Variants in MTA3 observed in about 807,000 individuals in gnomAD.
MTA3 encodes metastasis-associated protein MTA3.
In MTA3, 34 loss-of-function variants were observed where a neutral mutation model predicts 83.5. The observed-to-expected ratio is 0.41, with a 90% CI of 0.31 to 0.54. MTA3 has a LOEUF of 0.54. Ranked by LOEUF, MTA3 falls within the 20% of genes least tolerant of loss-of-function variation. MTA3 has a pLI of 0.33. For synonymous variants in MTA3, 303 were observed against 252.7 expected, an observed-to-expected ratio of 1.20 and a Z score of -1.89; for missense variants, 761 against 726.4, an observed-to-expected ratio of 1.05 and a Z score of -0.55.
At chr2:42,729,241 C>T (rs758844473) in intron 16 of MTA3, among the ~76,000 whole-genome samples, 8 of 151,480 alleles carry the variant, frequency 5.3e-5, no homozygotes, top group Admixed American at 1.3e-4. Context: ...GGACTACAGG[C>T]GCCCACCACC....
intron 16 of MTA3, among the ~76,000 whole-genome samples, chr2:42,742,221 C>G (rs972297147): frequency 6.6e-6 from 1 of 151,872 alleles, no homozygotes; most frequent in Non-Finnish European, 1.5e-5. Context: ...TCACTGCAAC[C>G]TCTGCCTCCT....
At position 42,654,491 on chromosome 2, in the gene MTA3, A is replaced by C. The variant is rs547271856; in HGVS notation, c.500-1709A>C. Among the ~76,000 whole-genome samples, 6 of 152,314 alleles carry C rather than the reference A, an allele frequency of 3.9e-5. 1 individual carries two copies. In the South Asian group the frequency reaches 1.2e-3, roughly 32 times the overall value. On this transcript the variant is annotated intron_variant, in intron 6 of 16. Transcript: ENST00000405094. The stretch of plus-strand genomic sequence containing the variant: ...ATCTATAGCTATAAATCAAAATTCC[A>C]TTGGCTCCCAACTTTTCATTACAAT...
intron 2 of MTA3, among the ~76,000 whole-genome samples, chr2:42,553,285 A>G (rs185939599): frequency 0.014 from 2,107 of 151,116 alleles, 49 homozygotes; most frequent in African/African-American, 0.047. Flanking sequence ...TTCGCCGGGC[A>G]TGGTGGCGGG....
chr2:42,611,031 G>C (rs1287157766), intron 4 of MTA3, among the ~76,000 whole-genome samples: 2 of 148,840 alleles, frequency 1.3e-5, no homozygotes, highest in Admixed American at 6.7e-5. Context: ...ACCCAGGCTG[G>C]AGTGCAGTGG....
intron 8 of MTA3, among the ~76,000 whole-genome samples, chr2:42,670,442 C>T (rs1254646744): frequency 1.3e-5 from 2 of 152,104 alleles, no homozygotes; most frequent in African/African-American, 4.8e-5. Flanking sequence ...AATTGGCTTT[C>T]ATTTATTCTA....
At chr2:42,597,078 T>C (rs1681885752) in intron 3 of MTA3, among the ~76,000 whole-genome samples, 1 of 151,872 alleles carries the variant, frequency 6.6e-6, no homozygotes, top group South Asian at 2.1e-4. Flanking sequence ...TGAATAATTT[T>C]TTTTTTGTAT....
intron 2 of MTA3, among the ~76,000 whole-genome samples, chr2:42,525,848 C>T (rs1045758383): frequency 6.6e-6 from 1 of 151,266 alleles, no homozygotes; most frequent in Non-Finnish European, 1.5e-5. Flanking sequence ...TCGGTAGAGA[C>T]GGGGTTTCAC....
intron 2 of MTA3, among the ~76,000 whole-genome samples, chr2:42,549,348 A>G (rs1351184845): frequency 2.4e-5 from 3 of 123,514 alleles, no homozygotes; most frequent in Admixed American, 1.0e-4. Context: ...TATACATTAT[A>G]TATTACATAT....
chr2:42,595,204 G>T (rs1450323587), intron 3 of MTA3, among the ~76,000 whole-genome samples: 1 of 135,448 alleles, frequency 7.4e-6, no homozygotes, highest in East Asian at 2.2e-4. Flanking sequence ...CCACTTCCCA[G>T]GTTCACGCCA....
intron 11 of MTA3, chr2:42,702,695 G>A (rs964573547): frequency 1.3e-5 from 2 of 152,198 alleles, no homozygotes; most frequent in African/African-American, 2.4e-5. Flanking sequence ...TGAGGTCAGA[G>A]ACTTATTTAT....
At position 42,754,801 on chromosome 2, in the gene MTA3, G is replaced by A; in HGVS notation, c.*1402G>A. ...CACCCTGGGAAGCACGAGGTAACTT[G>A]GTAAGGATAATGATGCTGTAGATGT... On this transcript the variant is annotated 3_prime_UTR_variant, in exon 17 of 17. Coordinates refer to ENST00000405094, the MANE Select transcript of MTA3 (RefSeq NM_001330442.2). The A allele has an allele frequency of 4.1e-6, 4 of 985,524 alleles. No homozygotes were observed. Among genetic ancestry groups the A allele is most frequent in the Non-Finnish European group, 4.8e-6 (4 of 829,990 alleles). The allele number at this position is 985,524 out of a possible 1,614,324, so 61.0% of individuals were successfully genotyped here. A position where few individuals can be genotyped will look rare whatever the true frequency, so the allele number is the denominator to read the frequency against.
In MTA3 at chr2:42,594,691, C is replaced by CATATATAAATATACATATATAT. The variant is rs1305326532; in HGVS notation, c.191-14759_191-14738dup. On this transcript the variant is annotated intron_variant, in intron 3 of 16. Coordinates refer to ENST00000405094, the MANE Select transcript of MTA3 (RefSeq NM_001330442.2). ...ACACATATATAAATATACATATATA[C>CATATATAAATATACATATATAT]ATATATAAATATACATATATATATA... Among the ~76,000 whole-genome samples the CATATATAAATATACATATATAT allele has an allele frequency of 4.6e-3, 381 of 83,712 alleles. 22 individuals carry two copies. The highest frequency in any genetic ancestry group is 6.9e-3 in the Non-Finnish European group (308 of 44,720). 54.9% of individuals were successfully genotyped at this position (83,712 alleles called of 152,430 possible).
chr2:42,698,804 G>A (rs528643866), intron 11 of MTA3, among the ~76,000 whole-genome samples: 3 of 152,276 alleles, frequency 2.0e-5, no homozygotes, highest in Admixed American at 2.0e-4. Flanking sequence ...CCACAAGACA[G>A]ATAACTCTGG....
At position 42,697,853 on chromosome 2, in the gene MTA3, T is replaced by C. The variant is rs977220131; in HGVS notation, c.1025+19T>C. 1.0e-5 allele frequency: 15 copies of C among 1,474,460 alleles called. No individual in the cohort carries two copies. The Admixed American group carries it at 3.2e-4, about 32-fold the overall frequency. 91.3% of individuals were successfully genotyped at this position (1,474,460 alleles called of 1,614,324 possible). A position where few individuals can be genotyped will look rare whatever the true frequency, so the allele number is the denominator to read the frequency against. On this transcript the variant is annotated intron_variant, in intron 11 of 16. Coordinates refer to ENST00000405094, the MANE Select transcript of MTA3 (RefSeq NM_001330442.2). ...CAACCTAGTAAGTAATTGAAATCTT[T>C]TAAAATATTTGTTTTGGTCTTAATT...
chr2:42,613,691 C>G (rs1386371748), intron 4 of MTA3: 3 of 152,216 alleles, frequency 2.0e-5, no homozygotes, highest in Non-Finnish European at 2.9e-5. Context: ...GAAAACCTGA[C>G]TGAGGCATTC....
At chr2:42,560,918 A>G (rs74714251) in intron 2 of MTA3, among the ~76,000 whole-genome samples, 1,752 of 152,272 alleles carry the variant, frequency 0.012, 30 homozygotes, top group African/African-American at 0.04. Context: ...AAAACAAAAC[A>G]AAAACCAAAT....
chr2:42,524,481 T>TTTTTTTTTTTTTTTTG (rs1675584886), intron 2 of MTA3, among the ~76,000 whole-genome samples: 3 of 130,282 alleles, frequency 2.3e-5, no homozygotes, highest in African/African-American at 5.9e-5. Context: ...TGTTTTTTTT[T>TTTTTTTTTTTTTTTTG]TTTTTTTTTT....
At chr2:42,700,340 T>G (rs1031893241) in intron 11 of MTA3, among the ~76,000 whole-genome samples, 1 of 152,242 alleles carries the variant, frequency 6.6e-6, no homozygotes, top group Non-Finnish European at 1.5e-5. Flanking sequence ...CACAATGACA[T>G]CAATCATTTG....
chr2:42,630,502 T>A (rs376922782), intron 4 of MTA3, among the ~76,000 whole-genome samples: 3 of 152,332 alleles, frequency 2.0e-5, no homozygotes, highest in African/African-American at 7.2e-5. Context: ...TGTTTGTATG[T>A]CTAAGTAAAT....
Sources: gnomAD v4.1 joint callset for allele counts (sites outside exome capture counted in the v4.1 genomes callset) on GRCh38, gnomAD v4.1.1 for gene constraint, MANE v1.5 for transcripts, NCBI Gene and HGNC (gene_info 2026-07-23, HGNC 2026-07-21) for gene names.